The following POTED variants were observed in gnomAD, a reference collection of about 807,000 sequenced individuals.
POTED encodes POTE ankyrin domain family member D, also known as ANKRD26-like family B member 3.
POTED carries 7 observed loss-of-function variants against 19.0 expected under a neutral mutation model. The ratio of observed to expected loss-of-function variants is 0.37; its 90% CI spans 0.21 to 0.69. The LOEUF (loss-of-function observed/expected upper bound fraction) is 0.69, where lower values mean the gene tolerates loss of function less well. POTED is among the 30% of genes least tolerant of loss of function. POTED has a pLI of 0.56. For synonymous variants in POTED, 16 were observed against 92.0 expected (o/e 0.17, Z 4.73); for missense variants, 54 against 278.5 (o/e 0.19, Z 5.74).
rs1484250911 is a variant in POTED at position 13,614,017 on chromosome 21, T to C, written c.522-1106T>C. ...GAAATAATCTGTACAACCAACCCCC[T>C]TGGCACACGTTTACCTATGTTAACC... On this transcript the variant is annotated intron_variant, in intron 1 of 10. Transcript: ENST00000299443. Among the ~76,000 whole-genome samples the C allele has an allele frequency of 3.9e-4, 41 of 104,250 alleles. 10 individuals are homozygous for C. Among genetic ancestry groups the C allele is most frequent in the Admixed American group, 1.4e-3 (15 of 11,010 alleles). The allele number at this position is 104,250 out of a possible 152,430, so 68.4% of individuals were successfully genotyped here.
intron 9 of POTED, 144 bp downstream of exon 9, chr21:13,631,251 A>G (rs1392818581): frequency 7.6e-6 from 5 of 659,630 alleles, no homozygotes; most frequent in Non-Finnish European, 8.6e-6. Flanking sequence ...GAAAATCAGT[A>G]AACAATGAGT....
intron 9 of POTED, among the ~76,000 whole-genome samples, chr21:13,631,574 A>T (rs1384691036): frequency 1.7e-5 from 1 of 57,772 alleles, no homozygotes; most frequent in Non-Finnish European, 2.9e-5. Context: ...AGTTCCCACT[A>T]ATGAGTAAGA....
rs1466522726 is a variant in POTED at position 13,611,375 on chromosome 21, T to G, written c.521+626T>G. 2.5e-5 allele frequency among the ~76,000 whole-genome samples: 2 copies of G among 80,798 alleles called. 1 individual carries two copies. Among genetic ancestry groups the G allele is most frequent in the Non-Finnish European group, 4.3e-5 (2 of 46,020 alleles). The allele number at this position is 80,798 out of a possible 152,430, so 53.0% of individuals were successfully genotyped here. On this transcript the variant is annotated intron_variant, in intron 1 of 10. Coordinates refer to ENST00000299443, the MANE Select transcript of POTED (RefSeq NM_174981.6). ...ATTTTATCATTGTGATAAATTGATT[T>G]TTTTTAACAGAATGGAAAAAGACTT...
At chr21:13,626,905 T>C (rs973325235) in intron 6 of POTED, among the ~76,000 whole-genome samples, 1 of 6,514 alleles carries the variant, frequency 1.5e-4, no homozygotes, top group African/African-American at 1.2e-3. Flanking sequence ...AGCATGTGTG[T>C]AGCAGGACTC....
Position 13,642,602 on chromosome 21 carries a change from G to T in POTED, c.*1036G>T, listed in dbSNP as rs2011281577. Among the ~76,000 whole-genome samples, 1 of 68,920 alleles carries T rather than the reference G, an allele frequency of 1.5e-5. No homozygotes were observed. Among genetic ancestry groups the T allele is most frequent in the Admixed American group, 1.3e-4 (1 of 7,990 alleles). 45.2% of individuals were successfully genotyped at this position (68,920 alleles called of 152,430 possible). On this transcript the variant is annotated 3_prime_UTR_variant, in exon 11 of 11. Coordinates refer to ENST00000299443, the MANE Select transcript of POTED (RefSeq NM_174981.6). ...CTTTTTTAAACAAGTCCCTATTCCT[G>T]TTCCTCCTTACTAGGCAAGACTTCT... is the stretch of plus-strand genomic sequence containing the variant.
chr21:13,631,776 G>T (rs1290451318), intron 9 of POTED, among the ~76,000 whole-genome samples: 1 of 5,832 alleles, frequency 1.7e-4, no homozygotes, highest in Non-Finnish European at 2.6e-4. Context: ...AGGATATATA[G>T]GTATGTTAAG....
intron 9 of POTED, among the ~76,000 whole-genome samples, chr21:13,634,203 T>C (rs1295972364): frequency 1.2e-5 from 1 of 80,190 alleles, no homozygotes; most frequent in African/African-American, 9.7e-5. Flanking sequence ...ACACCTCACA[T>C]CTAATCTCTC....
chr21:13,610,875 A>T, intron 1 of POTED, 126 bp downstream of exon 1: 1 of 795,676 alleles, frequency 1.3e-6, no homozygotes, highest in South Asian at 2.2e-5. Flanking sequence ...CTGGGTGTGG[A>T]AACCTCAGAG....
chr21:13,631,405 A>G (rs2011212926), intron 9 of POTED, among the ~76,000 whole-genome samples: 1 of 73,534 alleles, frequency 1.4e-5, no homozygotes, highest in South Asian at 4.1e-4. Context: ...GGTAAACTGT[A>G]TCATGGAGGT....
intron 1 of POTED, among the ~76,000 whole-genome samples, chr21:13,612,486 A>AAAAT (rs771854822): frequency 2.1e-3 from 172 of 80,070 alleles, no homozygotes; most frequent in East Asian, 8.6e-3. Context: ...TAAATAAATA[A>AAAAT]AAATAAATAA....
In POTED at chr21:13,645,451, C is replaced by T. The variant is rs372059940; in HGVS notation, c.*3885C>T. On this transcript the variant is annotated 3_prime_UTR_variant, in exon 11 of 11. Coordinates refer to ENST00000299443, the MANE Select transcript of POTED (RefSeq NM_174981.6). ...TCAACATCTCAAAGAAAAGAAATTT[C>T]AACCCAGAATTTCATGTCCAGCAAA... 3.2e-4 allele frequency among the ~76,000 whole-genome samples: 42 copies of T among 133,196 alleles called. 3 individuals carry two copies. Among genetic ancestry groups the T allele is most frequent in the Middle Eastern group, 7.9e-3 (2 of 252 alleles). 87.4% of individuals were successfully genotyped at this position (133,196 alleles called of 152,430 possible). A position where few individuals can be genotyped will look rare whatever the true frequency, so the allele number is the denominator to read the frequency against.
At chr21:13,637,715 G>A (rs2094851) in intron 9 of POTED, among the ~76,000 whole-genome samples, 1 of 77,764 alleles carries the variant, frequency 1.3e-5, no homozygotes, top group Non-Finnish European at 2.2e-5. Context: ...TGCCTAGGCT[G>A]ATGTCTTCAG....
At chr21:13,626,369 T>C (rs1339818475) in intron 6 of POTED, among the ~76,000 whole-genome samples, 2 of 55,682 alleles carry the variant, frequency 3.6e-5, no homozygotes, top group Non-Finnish European at 6.0e-5. Flanking sequence ...CTATGACTTA[T>C]TATAGAATTG....
chr21:13,634,928 G>GA (rs1246674090), intron 9 of POTED, among the ~76,000 whole-genome samples: 3 of 52,494 alleles, frequency 5.7e-5, no homozygotes, highest in Non-Finnish European at 9.4e-5. Flanking sequence ...TTTTGTATTA[G>GA]AAAAAAAAAA....
rs1481200854 is a variant in POTED, at chr21:13,637,004, A to ATATATATATAT, written c.1410-2510_1410-2509insATATATATATT. 2.9e-3 allele frequency among the ~76,000 whole-genome samples: 48 copies of ATATATATATAT among 16,464 alleles called. 12 individuals carry two copies. The highest frequency in any genetic ancestry group is 6.2e-3 in the African/African-American group (7 of 1,136). 10.8% of individuals were successfully genotyped at this position (16,464 alleles called of 152,430 possible). On this transcript the variant is annotated intron_variant, in intron 9 of 10. Coordinates refer to ENST00000299443, the MANE Select transcript of POTED (RefSeq NM_174981.6). ...TACCCAGTCTCAGGTATATATATAT[A>ATATATATATAT]TTTTTTTTTTTTTTTCTTTATTCCA...
chr21:13,612,298 G>A lies in POTED; in HGVS notation c.521+1549G>A, dbSNP rs2011144100. On this transcript the variant is annotated intron_variant, in intron 1 of 10. Transcript: ENST00000299443. ...TAGCCTGGCCAGCATGGTGAAACCC[G>A]TTTCTACTAAAAATACAAAGAATTA... Among the ~76,000 whole-genome samples the A allele has an allele frequency of 3.0e-5, 2 of 66,534 alleles. 1 individual carries two copies. Among genetic ancestry groups the A allele is most frequent in the Non-Finnish European group, 5.0e-5 (2 of 39,724 alleles). 43.6% of individuals were successfully genotyped at this position (66,534 alleles called of 152,430 possible).
intron 6 of POTED, among the ~76,000 whole-genome samples, chr21:13,627,471 A>G (rs1402649662): frequency 1.0e-5 from 1 of 100,022 alleles, no homozygotes; most frequent in Admixed American, 9.2e-5. Flanking sequence ...AAAAAGAAAA[A>G]TGAATATAAA....
Position 13,609,932 on chromosome 21 carries a change from C to T in POTED, c.-297C>T. 1 of 240,566 alleles carries T rather than the reference C, an allele frequency of 4.2e-6. No homozygotes were observed. Among genetic ancestry groups the T allele is most frequent in the South Asian group, 5.1e-5 (1 of 19,706 alleles). 14.9% of individuals were successfully genotyped at this position (240,566 alleles called of 1,614,324 possible). On this transcript the variant is annotated 5_prime_UTR_variant, in exon 1 of 11. Coordinates refer to ENST00000299443, the MANE Select transcript of POTED (RefSeq NM_174981.6). ...ATTCCTTTGCTGGGCCTGAATTTTT[C>T]TCTGCTGGGTTTGGCATTCCCTTGA...
At chr21:13,611,384 A>C (rs2011141296) in intron 1 of POTED, among the ~76,000 whole-genome samples, 1 of 80,488 alleles carries the variant, frequency 1.2e-5, no homozygotes, top group Admixed American at 1.1e-4. Flanking sequence ...TTTTTTTAAC[A>C]GAATGGAAAA....
Sources: allele counts gnomAD v4.1 joint callset (sites outside exome capture counted in the v4.1 genomes callset), GRCh38; gene constraint gnomAD v4.1.1; transcripts MANE v1.5; gene names NCBI Gene and HGNC (gene_info 2026-07-23, HGNC 2026-07-21).